Variants in NPAT observed in about 807,000 individuals in gnomAD.
NPAT encodes the protein nuclear protein, coactivator of histone transcription.
NPAT carries 52 observed loss-of-function variants against 130.7 expected under a neutral mutation model. The observed-to-expected ratio is 0.40, with a 90% CI of 0.32 to 0.50. NPAT has a LOEUF of 0.50. Ranked by LOEUF, NPAT falls within the 20% of genes least tolerant of loss-of-function variation. NPAT has a pLI of 0.68. For missense variants in NPAT, 1,687 were observed against 1,662.6 expected, an observed-to-expected ratio of 1.01 and a Z score of -0.26; for synonymous variants, 580 against 584.8, an observed-to-expected ratio of 0.99 and a Z score of 0.12.
chr11:108,160,851 G>A, intron 17 of NPAT, 29 bp downstream of exon 17: 4 of 1,585,744 alleles, frequency 2.5e-6, no homozygotes, highest in Non-Finnish European at 3.4e-6. Flanking sequence ...AAAAAGGTGT[G>A]GTTTTGAAAT....
intron 8 of NPAT, 103 bp downstream of exon 8, chr11:108,186,379 G>T: frequency 1.2e-6 from 1 of 852,352 alleles, no homozygotes; most frequent in Non-Finnish European, 2.0e-6. Flanking sequence ...ACTTACTCCT[G>T]TTTCTTTATT....
chr11:108,185,964 G>A (rs527304935), intron 8 of NPAT, among the ~76,000 whole-genome samples: 19 of 151,798 alleles, frequency 1.3e-4, no homozygotes, highest in Admixed American at 5.3e-4. Context: ...CAAGAGATCC[G>A]CTGGCTTTGG....
chr11:108,188,784 C>T (rs2078134080), intron 6 of NPAT, among the ~76,000 whole-genome samples: 1 of 152,148 alleles, frequency 6.6e-6, no homozygotes, highest in South Asian at 2.1e-4. Context: ...CTGACATCAA[C>T]AAAGGCAAGG....
intron 17 of NPAT, among the ~76,000 whole-genome samples, chr11:108,160,111 C>A (rs2077831328): frequency 6.6e-6 from 1 of 150,946 alleles, no homozygotes; most frequent in Non-Finnish European, 1.5e-5. Flanking sequence ...GATCACGCCA[C>A]CGTACTCTAG....
At chr11:108,190,566 G>GT in intron 4 of NPAT, 66 bp from the exon 5 acceptor site, 1 of 1,395,058 alleles carries the variant, frequency 7.2e-7, no homozygotes, top group Non-Finnish European at 1.0e-6. Flanking sequence ...CTATGATTTA[G>GT]TTACAGTCAG....
chr11:108,164,394 G>A (rs1343223211), intron 15 of NPAT, among the ~76,000 whole-genome samples: 1 of 152,222 alleles, frequency 6.6e-6, no homozygotes, highest in Non-Finnish European at 1.5e-5. Context: ...GGGCTATAGA[G>A]TAGCTAGTGG....
chr11:108,189,825 G>C (rs1211310648), intron 5 of NPAT, among the ~76,000 whole-genome samples: 10 of 146,322 alleles, frequency 6.8e-5, no homozygotes, highest in African/African-American at 1.0e-4. Context: ...AGCCGAGATC[G>C]CGCCACTGCA....
chr11:108,209,095 C>T (rs1186469141), intron 1 of NPAT, among the ~76,000 whole-genome samples: 1 of 151,440 alleles, frequency 6.6e-6, no homozygotes, highest in African/African-American at 2.4e-5. Context: ...GCCTGGCCAA[C>T]ATGGTAAACT....
Position 108,170,244 on chromosome 11 carries a change from C to T in NPAT, c.2786-201G>A, listed in dbSNP as rs540066336. 3.7e-5 allele frequency: 20 copies of T among 546,742 alleles called. No individual in the cohort carries two copies. In the East Asian group the frequency reaches 6.5e-4, roughly 18 times the overall value. The allele number at this position is 546,742 out of a possible 1,614,324, so 33.9% of individuals were successfully genotyped here. A position where few individuals can be genotyped will look rare whatever the true frequency, so the allele number is the denominator to read the frequency against. On this transcript the variant is annotated intron_variant, in intron 13 of 17. Coordinates refer to ENST00000278612, the MANE Select transcript of NPAT (RefSeq NM_002519.3). ...AACAGTTTTAGGAAAAACAGCAAGG[C>T]TAACAAATTAAGAAAAAGTCAATCC...
intron 1 of NPAT, among the ~76,000 whole-genome samples, chr11:108,206,814 A>C (rs1414542391): frequency 6.6e-6 from 1 of 152,194 alleles, no homozygotes; most frequent in East Asian, 1.9e-4. Context: ...CAAGGCGGAG[A>C]GGAGCTTCAC....
chr11:108,178,020 C>A (rs1471175790), intron 10 of NPAT, among the ~76,000 whole-genome samples: 1 of 152,142 alleles, frequency 6.6e-6, no homozygotes, highest in Non-Finnish European at 1.5e-5. Flanking sequence ...TGTGCCTGGC[C>A]CATACTATAA....
At chr11:108,221,887 C>T (rs4987875) in intron 1 of NPAT, among the ~76,000 whole-genome samples, 2,809 of 152,224 alleles carry the variant, frequency 0.018, 83 homozygotes, top group African/African-American at 0.063. Context: ...TAATTTAAGG[C>T]AATTAACCCT....
intron 1 of NPAT, among the ~76,000 whole-genome samples, chr11:108,219,209 CAT>C (rs1159791350): frequency 6.6e-6 from 1 of 152,126 alleles, no homozygotes; most frequent in African/African-American, 2.4e-5. Flanking sequence ...AGGAAGCAGC[CAT>C]ATTTTTCCCC....
intron 15 of NPAT, among the ~76,000 whole-genome samples, chr11:108,167,874 A>G (rs890935763): frequency 6.6e-6 from 1 of 152,234 alleles, no homozygotes; most frequent in Non-Finnish European, 1.5e-5. Context: ...ACCTCAACAG[A>G]CAGGAAATTT....
chr11:108,209,628 G>A (rs1276859606), intron 1 of NPAT, among the ~76,000 whole-genome samples: 2 of 152,146 alleles, frequency 1.3e-5, no homozygotes, highest in Admixed American at 6.5e-5. Context: ...GGTGGCTCAC[G>A]CCTGTAATCC....
chr11:108,208,982 G>C (rs891286798), intron 1 of NPAT, among the ~76,000 whole-genome samples: 5 of 152,180 alleles, frequency 3.3e-5, no homozygotes, highest in African/African-American at 1.2e-4. Flanking sequence ...ATAAACACCT[G>C]TATTTAAAAA....
At position 108,167,035 on chromosome 11, in the gene NPAT, T is replaced by C. The variant is rs547642550; in HGVS notation, c.3010+2709A>G. Among the ~76,000 whole-genome samples the C allele has an allele frequency of 5.9e-5, 9 of 152,354 alleles. No individual in the cohort carries two copies. The South Asian group carries it at 1.9e-3, about 32-fold the overall frequency. On this transcript the variant is annotated intron_variant, in intron 15 of 17. Coordinates refer to ENST00000278612, the MANE Select transcript of NPAT (RefSeq NM_002519.3). ...ATTATAAACAGTATCTTATTTTGTATAACACTTAATAGGTGTTTATTGTTG... is the reference window on the plus strand; with the variant it reads ...ATTATAAACAGTATCTTATTTTGTACAACACTTAATAGGTGTTTATTGTTG...
At chr11:108,159,077 T>A in intron 17 of NPAT, 58 bp from the exon 18 acceptor site, 1 of 1,072,800 alleles carries the variant, frequency 9.3e-7, no homozygotes, top group Non-Finnish European at 1.4e-6. Flanking sequence ...GCTTTCTTAG[T>A]AAGTCACCTA....
Position 108,161,293 on chromosome 11 carries a change from A to G in NPAT, c.3793T>C (p.Leu1265=), listed in dbSNP as rs34184575. The change falls in exon 17 of 18, where the codon TTA becomes CTA. Residue 1265 remains leucine (L), a synonymous_variant. Transcript: ENST00000278612. ...SVSRLADSSD[L]PVPRTPGSGA... ...GAGCCAGGTGTCCGGGGCACAGGTA[A>G]ATCACTACTATCAGCAAGCCTACTT... is the stretch of plus-strand genomic sequence containing the variant. 1 of 1,614,210 alleles carries G rather than the reference A, an allele frequency of 6.2e-7. No homozygotes were observed. Among genetic ancestry groups the G allele is most frequent in the East Asian group, 2.2e-5 (1 of 44,884 alleles).
Sources: allele counts gnomAD v4.1 joint callset (sites outside exome capture counted in the v4.1 genomes callset), GRCh38; gene constraint gnomAD v4.1.1; transcripts MANE v1.5; gene names NCBI Gene and HGNC (gene_info 2026-07-23, HGNC 2026-07-21).